Variants in CADPS2 observed in about 807,000 individuals in gnomAD.
CADPS2 encodes calcium-dependent secretion activator 2.
A neutral mutation model predicts 172.5 loss-of-function variants in CADPS2; 93 were observed. The observed-to-expected ratio is 0.54, with a 90% CI of 0.46 to 0.64. The LOEUF (loss-of-function observed/expected upper bound fraction) is 0.64. Among genes scored for constraint, CADPS2 ranks in the 30% least tolerant of loss-of-function variants. The pLI is 0.00. For synonymous variants in CADPS2, 546 were observed against 555.2 expected (o/e 0.98, Z 0.23); for missense variants, 1,420 against 1,565.9 (o/e 0.91, Z 1.57).
rs528099116 is a variant in CADPS2 at position 122,567,351 on chromosome 7, T to C, written c.1336-12662A>G. On this transcript the variant is annotated intron_variant, in intron 7 of 29. Coordinates refer to ENST00000449022, the MANE Select transcript of CADPS2 (RefSeq NM_017954.11). ...CTAGATACTCAGCTTTTAATTTATATGAAAAAAGGCACTGACTATTCTGGC... is the reference window on the plus strand; with the variant it reads ...CTAGATACTCAGCTTTTAATTTATACGAAAAAAGGCACTGACTATTCTGGC... Among the ~76,000 whole-genome samples, 8 of 152,260 alleles carry C rather than the reference T, an allele frequency of 5.3e-5. No individual in the cohort carries two copies. In the East Asian group the frequency reaches 1.2e-3, roughly 22 times the overall value.
intron 20 of CADPS2, among the ~76,000 whole-genome samples, chr7:122,400,107 A>G (rs1011964517): frequency 1.3e-5 from 2 of 152,058 alleles, no homozygotes; most frequent in African/African-American, 4.8e-5. Context: ...TATAAAAAGC[A>G]GATTAAAATT....
At chr7:122,399,273 T>G (rs1168703276) in intron 20 of CADPS2, among the ~76,000 whole-genome samples, 1 of 152,230 alleles carries the variant, frequency 6.6e-6, no homozygotes, top group African/African-American at 2.4e-5. Flanking sequence ...AAGTTATTTG[T>G]GTATATATGT....
intron 1 of CADPS2, among the ~76,000 whole-genome samples, chr7:122,776,905 C>T (rs1408180376): frequency 6.6e-6 from 1 of 152,148 alleles, no homozygotes; most frequent in African/African-American, 2.4e-5. Flanking sequence ...AATGCCAGCA[C>T]TTTGGGAGAC....
chr7:122,803,544 T>A (rs1798099679), intron 1 of CADPS2, among the ~76,000 whole-genome samples: 1 of 152,166 alleles, frequency 6.6e-6, no homozygotes, highest in South Asian at 2.1e-4. Flanking sequence ...GACAAAGCCA[T>A]AAATCACAGG....
At position 122,643,550 on chromosome 7, in the gene CADPS2, C is replaced by G. The variant is rs1356568384; in HGVS notation, c.787-14222G>C. Among the ~76,000 whole-genome samples the G allele has an allele frequency of 2.0e-5, 3 of 152,228 alleles. No homozygotes were observed. The East Asian group carries it at 5.8e-4, about 29-fold the overall frequency. ...CTTCCAACTGAAGGCCAGGTCTTTG[C>G]TTTCAAGCATCTCACAATGACCTCA... On this transcript the variant is annotated intron_variant, in intron 3 of 29. Coordinates refer to ENST00000449022, the MANE Select transcript of CADPS2 (RefSeq NM_017954.11).
chr7:122,648,591 G>A lies in CADPS2; in HGVS notation c.786+14646C>T, dbSNP rs1171967597. Among the ~76,000 whole-genome samples the A allele has an allele frequency of 3.3e-5, 5 of 152,138 alleles. No homozygotes were observed. In the East Asian group the frequency reaches 9.7e-4, roughly 30 times the overall value. On this transcript the variant is annotated intron_variant, in intron 3 of 29. Transcript: ENST00000449022. ...AAACAAAAATACCCTAATCAGAGAAGCCACATCATACTATGCTTAATATAA... is the reference window on the plus strand; with the variant it reads ...AAACAAAAATACCCTAATCAGAGAAACCACATCATACTATGCTTAATATAA...
chr7:122,721,644 A>T (rs1333206475), intron 2 of CADPS2, among the ~76,000 whole-genome samples: 1 of 152,186 alleles, frequency 6.6e-6, no homozygotes, highest in Non-Finnish European at 1.5e-5. Context: ...TTCCGAAACT[A>T]TTCCAATCAA....
chr7:122,414,216 CTATT>C (rs1056672228), intron 18 of CADPS2, 140 bp from the exon 19 acceptor site: 4 of 516,462 alleles, frequency 7.7e-6, no homozygotes, highest in African/African-American at 5.9e-5. Flanking sequence ...ATGATTATCT[CTATT>C]TAATAAAGTC....
intron 1 of CADPS2, among the ~76,000 whole-genome samples, chr7:122,806,475 AT>A (rs1798822617): frequency 6.6e-6 from 1 of 152,256 alleles, no homozygotes; most frequent in Non-Finnish European, 1.5e-5. Flanking sequence ...GGCATGGACA[AT>A]TAATGGGTTT....
intron 1 of CADPS2, among the ~76,000 whole-genome samples, chr7:122,786,391 T>G (rs1160596453): frequency 6.6e-6 from 1 of 152,198 alleles, no homozygotes; most frequent in Non-Finnish European, 1.5e-5. Flanking sequence ...CAAAATGATT[T>G]ACAGATATAA....
chr7:122,394,299 G>A (rs572435261), intron 20 of CADPS2, among the ~76,000 whole-genome samples: 56 of 152,210 alleles, frequency 3.7e-4, no homozygotes, highest in African/African-American at 1.0e-3. Flanking sequence ...TTTTTCAGGC[G>A]ATGAATGTTT....
intron 4 of CADPS2, among the ~76,000 whole-genome samples, chr7:122,623,994 A>G (rs993594685): frequency 6.6e-6 from 1 of 152,214 alleles, no homozygotes; most frequent in African/African-American, 2.4e-5. Flanking sequence ...GGAGAAAAGC[A>G]GGCATCTCCA....
chr7:122,763,118 G>GA (rs1336028082), intron 1 of CADPS2, among the ~76,000 whole-genome samples: 1 of 152,042 alleles, frequency 6.6e-6, no homozygotes, highest in Non-Finnish European at 1.5e-5. Flanking sequence ...ATTAATGATT[G>GA]ATACAGAGAA....
At chr7:122,649,950 C>T (rs577975493) in intron 3 of CADPS2, among the ~76,000 whole-genome samples, 11 of 105,264 alleles carry the variant, frequency 1.0e-4, no homozygotes, top group South Asian at 3.4e-4. Context: ...CTTTGTCCAG[C>T]GCAGGCTGGA....
intron 15 of CADPS2, among the ~76,000 whole-genome samples, chr7:122,448,632 T>C (rs866743059): frequency 4.6e-5 from 7 of 152,138 alleles, no homozygotes; most frequent in African/African-American, 1.4e-4. Flanking sequence ...TGTGGGGAAT[T>C]GAAGTCCCTT....
At chr7:122,774,245 T>C (rs1008820065) in intron 1 of CADPS2, among the ~76,000 whole-genome samples, 1 of 147,740 alleles carries the variant, frequency 6.8e-6, no homozygotes, top group Non-Finnish European at 1.5e-5. Context: ...ACAACAAATA[T>C]ATATATATAG....
chr7:122,348,853 T>C (rs1186379572), intron 27 of CADPS2, among the ~76,000 whole-genome samples: 1 of 152,224 alleles, frequency 6.6e-6, no homozygotes, highest in African/African-American at 2.4e-5. Flanking sequence ...GATAAATTGC[T>C]GAAAAAGATG....
intron 1 of CADPS2, among the ~76,000 whole-genome samples, chr7:122,806,827 G>A (rs1798888934): frequency 6.6e-6 from 1 of 152,124 alleles, no homozygotes; most frequent in South Asian, 2.1e-4. Flanking sequence ...ATAAGTTGTT[G>A]CAAAATTTGT....
intron 9 of CADPS2, among the ~76,000 whole-genome samples, chr7:122,508,886 G>A (rs1442600594): frequency 1.3e-5 from 2 of 152,054 alleles, no homozygotes; most frequent in African/African-American, 4.8e-5. Flanking sequence ...GAGTGTTGAA[G>A]GGGCCTTTCA....
Sources: gnomAD v4.1 joint callset for allele counts (sites outside exome capture counted in the v4.1 genomes callset) on GRCh38, gnomAD v4.1.1 for gene constraint, MANE v1.5 for transcripts, NCBI Gene and HGNC (gene_info 2026-07-23, HGNC 2026-07-21) for gene names.